The following SCHIP1 variants were observed in gnomAD, a reference collection of about 807,000 sequenced individuals.
SCHIP1 encodes the protein schwannomin-interacting protein 1.
SCHIP1 carries 8 observed loss-of-function variants against 29.7 expected under a neutral mutation model. The observed-to-expected ratio is 0.27, with a 90% CI of 0.16 to 0.49. SCHIP1 has a LOEUF of 0.49. Among genes scored for constraint, SCHIP1 ranks in the 20% least tolerant of loss-of-function variants. The pLI, the probability that SCHIP1 is intolerant of heterozygous loss-of-function variation, is 0.99. For missense variants in SCHIP1, 193 were observed against 294.6 expected (o/e 0.66, Z 2.52); for synonymous variants, 76 against 94.9 (o/e 0.80, Z 1.16).
At chr3:159,684,239 T>C in the SCHIP1 span, among the ~76,000 whole-genome samples, 1 of 152,186 alleles carries the variant, frequency 6.6e-6, no homozygotes, top group African/African-American at 2.4e-5. Flanking sequence ...ACTGATGTTA[T>C]TCAAACTAGC....
chr3:159,625,569 A>C, the SCHIP1 span, among the ~76,000 whole-genome samples: 1 of 152,156 alleles, frequency 6.6e-6, no homozygotes, highest in Non-Finnish European at 1.5e-5. Flanking sequence ...ATGTTGCACT[A>C]AATTTTTCTA....
intron 1 of SCHIP1, among the ~76,000 whole-genome samples, chr3:159,855,315 C>A (rs991133863): frequency 2.0e-5 from 3 of 152,112 alleles, no homozygotes; most frequent in Admixed American, 2.0e-4. Context: ...TGAAACAGGG[C>A]AACATACACT....
the SCHIP1 span, among the ~76,000 whole-genome samples, chr3:159,623,487 A>C: frequency 5.3e-5 from 8 of 152,240 alleles, no homozygotes; most frequent in East Asian, 1.5e-3. Context: ...TTAGCCGGGC[A>C]TGGTGGCGCA....
In SCHIP1 at chr3:159,888,044, T is replaced by A. The variant is rs1717129918; in HGVS notation, c.465+139T>A. 4 of 1,186,862 alleles carry A rather than the reference T, an allele frequency of 3.4e-6. No homozygotes were observed. In the Admixed American group the frequency reaches 1.1e-4, roughly 33 times the overall value. 73.5% of individuals were successfully genotyped at this position (1,186,862 alleles called of 1,614,324 possible). On this transcript the variant is annotated intron_variant, in intron 4 of 6. Coordinates refer to ENST00000445224, the Ensembl canonical transcript of SCHIP1. ...AAAAGTCCTGTCATTGAGAAATGAT[T>A]AAGTTTGTTTCTTTTTCCTTCCTAC...
At chr3:159,694,050 AT>A in the SCHIP1 span, among the ~76,000 whole-genome samples, 1 of 152,122 alleles carries the variant, frequency 6.6e-6, no homozygotes, top group East Asian at 1.9e-4. Flanking sequence ...GCACTCACCT[AT>A]CTGTGATATT....
the SCHIP1 span, among the ~76,000 whole-genome samples, chr3:159,743,177 G>T: frequency 6.6e-6 from 1 of 152,138 alleles, no homozygotes; most frequent in Non-Finnish European, 1.5e-5. Context: ...TCCCTAAAGG[G>T]TAGTTGCTCT....
At chr3:159,896,590 C>G (rs986174830) in intron 6 of SCHIP1, 133 bp from the exon 8 acceptor site, 1 of 798,466 alleles carries the variant, frequency 1.3e-6, no homozygotes, top group Non-Finnish European at 1.8e-6. Flanking sequence ...GAATAAGGTA[C>G]TTTTTCTTGA....
chr3:159,440,392 C>A, the SCHIP1 span, among the ~76,000 whole-genome samples: 4 of 152,152 alleles, frequency 2.6e-5, no homozygotes, highest in East Asian at 7.7e-4. Flanking sequence ...TCAGTGCCCC[C>A]TCAAAAAGCT....
the SCHIP1 span, among the ~76,000 whole-genome samples, chr3:159,338,688 A>T: frequency 6.6e-6 from 1 of 152,136 alleles, no homozygotes; most frequent in Admixed American, 6.5e-5. Context: ...TAGTGGCTTG[A>T]ATCAGGCTGG....
chr3:159,559,126 C>T, the SCHIP1 span, among the ~76,000 whole-genome samples: 2 of 152,106 alleles, frequency 1.3e-5, no homozygotes. Flanking sequence ...ATTGGGATAG[C>T]CAAGTGCTCA....
chr3:159,878,265 G>T (rs914376920), intron 2 of SCHIP1, among the ~76,000 whole-genome samples: 15 of 151,262 alleles, frequency 9.9e-5, no homozygotes, highest in African/African-American at 3.4e-4. Flanking sequence ...ATCACATGAG[G>T]TCAGTAGTTC....
At chr3:159,492,990 C>G in the SCHIP1 span, among the ~76,000 whole-genome samples, 8 of 152,182 alleles carry the variant, frequency 5.3e-5, no homozygotes, top group Non-Finnish European at 1.2e-4. Context: ...AATTTCATAT[C>G]CAGCCAAACT....
chr3:159,662,121 C>T, the SCHIP1 span, among the ~76,000 whole-genome samples: 1 of 152,144 alleles, frequency 6.6e-6, no homozygotes, highest in Admixed American at 6.5e-5. Flanking sequence ...TAACAGTCTT[C>T]CCTGCCAAAC....
the SCHIP1 span, chr3:159,387,331 T>A: frequency 5.5e-6 from 2 of 362,134 alleles, no homozygotes; most frequent in Non-Finnish European, 1.1e-5. Context: ...TATCTCAGCA[T>A]TTTTATGGGC....
At chr3:159,371,239 A>C in the SCHIP1 span, among the ~76,000 whole-genome samples, 338 of 152,290 alleles carry the variant, frequency 2.2e-3, 2 homozygotes, top group African/African-American at 7.7e-3. Context: ...ATACATCATG[A>C]TGGTTGCTGA....
chr3:159,540,230 A>T, the SCHIP1 span, among the ~76,000 whole-genome samples: 1 of 151,920 alleles, frequency 6.6e-6, no homozygotes, highest in Non-Finnish European at 1.5e-5. Context: ...GATGTTTTTT[A>T]AAAAAGAGTT....
chr3:159,473,003 T>G, the SCHIP1 span, among the ~76,000 whole-genome samples: 5 of 152,228 alleles, frequency 3.3e-5, no homozygotes, highest in African/African-American at 1.2e-4. Flanking sequence ...CAGTGAGTGA[T>G]CATTATTTTG....
the SCHIP1 span, among the ~76,000 whole-genome samples, chr3:159,492,376 T>C: frequency 5.3e-4 from 80 of 152,078 alleles, no homozygotes; most frequent in African/African-American, 1.6e-3. Context: ...AAATGGGTAA[T>C]TAGAATAACC....
chr3:159,308,269 A>C, the SCHIP1 span, among the ~76,000 whole-genome samples: 1 of 152,114 alleles, frequency 6.6e-6, no homozygotes, highest in East Asian at 1.9e-4. Context: ...GAAGATACTC[A>C]CAAACTATGC....
Sources: gnomAD v4.1 joint callset for allele counts (sites outside exome capture counted in the v4.1 genomes callset) on GRCh38, gnomAD v4.1.1 for gene constraint, MANE v1.5 for transcripts, NCBI Gene and HGNC (gene_info 2026-07-23, HGNC 2026-07-21) for gene names.